DOCK3: variants seen among roughly 807,000 people sequenced by gnomAD.
The protein encoded by DOCK3 is dedicator of cytokinesis protein 3.
DOCK3 carries 60 observed loss-of-function variants against 265.6 expected under a neutral mutation model. The ratio of observed to expected loss-of-function variants is 0.23; its 90% confidence interval spans 0.18 to 0.28. The LOEUF is 0.28. Among genes scored for constraint, DOCK3 ranks in the 10% least tolerant of loss-of-function variants. DOCK3 has a pLI of 1.00. For synonymous variants in DOCK3, 881 were observed against 938.0 expected (o/e 0.94, Z 1.11); for missense variants, 1,981 against 2,594.3 (o/e 0.76, Z 5.14).
chr3:50,808,048 A>G (rs2043535245), intron 2 of DOCK3, among the ~76,000 whole-genome samples: 1 of 152,218 alleles, frequency 6.6e-6, no homozygotes, highest in Admixed American at 6.5e-5. Context: ...TAATGTCAGT[A>G]TTTTAAAAAC....
chr3:51,054,121 TAA>T lies in DOCK3; in HGVS notation c.316-10303_316-10302del, dbSNP rs35733959. Among the ~76,000 whole-genome samples, 535 of 84,988 alleles carry T rather than the reference TAA, an allele frequency of 6.3e-3. 2 individuals carry two copies. Among genetic ancestry groups the T allele is most frequent in the Middle Eastern group, 0.023 (4 of 174 alleles). The allele number at this position is 84,988 out of a possible 152,430, so 55.8% of individuals were successfully genotyped here. Reference sequence around the variant, plus strand: ...GTGAAGCACTTTCCCCGTAGCTTCCTAAAAAAAAAAAAAAAAAAAAAAAAAGA... The same window carrying T: ...GTGAAGCACTTTCCCCGTAGCTTCCTAAAAAAAAAAAAAAAAAAAAAAAGA... On this transcript the variant is annotated intron_variant, in intron 5 of 52. Transcript: ENST00000266037.
chr3:50,816,380 G>A (rs1230051164), intron 2 of DOCK3, among the ~76,000 whole-genome samples: 1 of 146,332 alleles, frequency 6.8e-6, no homozygotes, highest in Non-Finnish European at 1.5e-5. Flanking sequence ...GGCGTGCAAT[G>A]GTGTGATCTT....
At chr3:50,780,763 A>G (rs1315038930) in intron 2 of DOCK3, among the ~76,000 whole-genome samples, 1 of 152,110 alleles carries the variant, frequency 6.6e-6, no homozygotes, top group East Asian at 1.9e-4. Flanking sequence ...TGTGGGATAG[A>G]ACATTAGAAC....
intron 5 of DOCK3, among the ~76,000 whole-genome samples, chr3:51,062,803 G>A (rs1260093197): frequency 6.6e-6 from 1 of 152,224 alleles, no homozygotes; most frequent in South Asian, 2.1e-4. Flanking sequence ...TTAAACAGGT[G>A]ATTTTGTTTT....
intron 9 of DOCK3, among the ~76,000 whole-genome samples, chr3:51,108,041 CTT>C (rs755768442): frequency 2.0e-4 from 29 of 142,114 alleles, no homozygotes; most frequent in Admixed American, 2.8e-4. Flanking sequence ...ATTCAACATT[CTT>C]TTTTTTTTTT....
chr3:50,678,964 C>A (rs192287055), intron 1 of DOCK3, among the ~76,000 whole-genome samples: 218 of 152,150 alleles, frequency 1.4e-3, no homozygotes, highest in Non-Finnish European at 2.4e-3. Context: ...TGCCCGCCAC[C>A]ATGCCCGGCT....
intron 27 of DOCK3, among the ~76,000 whole-genome samples, chr3:51,297,828 G>T (rs1305582024): frequency 6.6e-6 from 1 of 151,544 alleles, no homozygotes; most frequent in East Asian, 1.9e-4. Context: ...AGTGGTGCAT[G>T]CCTGTAGTCC....
chr3:50,823,063 A>G (rs941855264), intron 2 of DOCK3, among the ~76,000 whole-genome samples: 5 of 144,940 alleles, frequency 3.4e-5, no homozygotes, highest in Non-Finnish European at 1.5e-5. Flanking sequence ...ACTTAACACT[A>G]TTACTTTTAA....
intron 1 of DOCK3, among the ~76,000 whole-genome samples, chr3:50,680,512 CTTT>C (rs3066820): frequency 2.3e-3 from 170 of 72,932 alleles, no homozygotes; most frequent in African/African-American, 5.0e-3. Flanking sequence ...CCGTGCCCTG[CTTT>C]TTTTTTTTTT....
At chr3:50,738,853 A>G (rs958664250) in intron 1 of DOCK3, among the ~76,000 whole-genome samples, 1 of 152,066 alleles carries the variant, frequency 6.6e-6, no homozygotes, top group Admixed American at 6.5e-5. Flanking sequence ...TAGGTTTGTG[A>G]CTTAGTATCA....
At chr3:51,125,666 C>G (rs1420316071) in intron 9 of DOCK3, among the ~76,000 whole-genome samples, 1 of 151,902 alleles carries the variant, frequency 6.6e-6, no homozygotes, top group African/African-American at 2.4e-5. Context: ...TCCATAATCA[C>G]AATAGGACAA....
intron 5 of DOCK3, among the ~76,000 whole-genome samples, chr3:50,946,308 T>C (rs746719317): frequency 3.9e-5 from 6 of 152,152 alleles, no homozygotes; most frequent in South Asian, 2.1e-4. Context: ...CTCAACTTTT[T>C]AATCTTTGGA....
At chr3:51,091,129 C>G (rs1213913297) in intron 9 of DOCK3, among the ~76,000 whole-genome samples, 3 of 152,174 alleles carry the variant, frequency 2.0e-5, no homozygotes, top group African/African-American at 7.2e-5. Context: ...TCCTTATCAC[C>G]AATGGCTCCT....
intron 5 of DOCK3, among the ~76,000 whole-genome samples, chr3:50,996,819 C>T (rs1371291135): frequency 1.3e-5 from 2 of 152,202 alleles, no homozygotes; most frequent in African/African-American, 2.4e-5. Flanking sequence ...AGTGGTCAGC[C>T]TTCCAGTGGT....
intron 2 of DOCK3, among the ~76,000 whole-genome samples, chr3:50,800,610 CA>C (rs567619173): frequency 8.6e-5 from 13 of 150,742 alleles, no homozygotes; most frequent in African/African-American, 1.5e-4. Flanking sequence ...TATTTATTTT[CA>C]AAAAAAACAA....
chr3:50,817,159 GC>G (rs1281205346), intron 2 of DOCK3, among the ~76,000 whole-genome samples: 1 of 152,174 alleles, frequency 6.6e-6, no homozygotes, highest in African/African-American at 2.4e-5. Flanking sequence ...TGTTGCCATG[GC>G]GTTTGTAAAC....
At chr3:50,687,238 A>AT (rs2034889629) in intron 1 of DOCK3, among the ~76,000 whole-genome samples, 1 of 152,092 alleles carries the variant, frequency 6.6e-6, no homozygotes, top group Non-Finnish European at 1.5e-5. Context: ...AGAAAAAAAA[A>AT]TCTCTGCTAA....
chr3:50,786,911 A>G, intron 2 of DOCK3: 2 of 737,750 alleles, frequency 2.7e-6, no homozygotes, highest in Non-Finnish European at 5.1e-6. Context: ...CATGAGTGAC[A>G]TACTGCATTT....
chr3:51,115,897 G>C (rs1242764745), intron 9 of DOCK3, among the ~76,000 whole-genome samples: 7 of 152,136 alleles, frequency 4.6e-5, no homozygotes, highest in Admixed American at 4.6e-4. Context: ...TTATTAAATA[G>C]GGAATCCTTT....
Sources: allele counts gnomAD v4.1 joint callset (sites outside exome capture counted in the v4.1 genomes callset), GRCh38; gene constraint gnomAD v4.1.1; transcripts MANE v1.5; gene names NCBI Gene and HGNC (gene_info 2026-07-23, HGNC 2026-07-21).